CLASP1: variants seen among roughly 807,000 people sequenced by gnomAD.
CLASP1 encodes the protein cytoplasmic linker associated protein 1.
In CLASP1, 38 loss-of-function variants were observed where a neutral mutation model predicts 192.3. The ratio of observed to expected loss-of-function variants is 0.20; its 90% confidence interval spans 0.15 to 0.26. The LOEUF (loss-of-function observed/expected upper bound fraction) is 0.26, where lower values mean the gene tolerates loss of function less well. CLASP1 is among the 10% of genes least tolerant of loss of function. The probability of loss-of-function intolerance (pLI) is 1.00; values close to 1 mark genes in which losing one functional copy is unlikely to be tolerated. For missense variants in CLASP1, 1,433 were observed against 1,932.5 expected, an observed-to-expected ratio of 0.74 and a Z score of 4.85; for synonymous variants, 691 against 712.8, an observed-to-expected ratio of 0.97 and a Z score of 0.49.
chr2:121,374,645 C>G (rs2069572514), intron 34 of CLASP1, among the ~76,000 whole-genome samples: 1 of 152,228 alleles, frequency 6.6e-6, no homozygotes, highest in African/African-American at 2.4e-5. Context: ...GCCTTGGGAG[C>G]CTACTCCTTG....
chr2:121,466,273 A>C (rs1369325756), intron 9 of CLASP1, among the ~76,000 whole-genome samples: 2 of 152,242 alleles, frequency 1.3e-5, no homozygotes, highest in East Asian at 3.8e-4. Context: ...TTTAAAATAC[A>C]CCAAAAAAAT....
At chr2:121,430,339 C>G (rs758276797) in intron 19 of CLASP1, among the ~76,000 whole-genome samples, 162 bp from the exon 20 acceptor site, 2 of 152,284 alleles carry the variant, frequency 1.3e-5, no homozygotes, top group African/African-American at 4.8e-5. Flanking sequence ...CCACGTCTCC[C>G]TGTGTGTGCA....
rs749402817 is a variant in CLASP1 at position 121,398,404 on chromosome 2, G to A, written c.2901-4C>T. Reference sequence around the variant, plus strand: ...TTGATCAAATGGAAAGGAGTCCCTAGGTTGGTGGGAAAAAAGTGCTTATTT... The same window carrying A: ...TTGATCAAATGGAAAGGAGTCCCTAAGTTGGTGGGAAAAAAGTGCTTATTT... On this transcript the variant is annotated splice_polypyrimidine_tract_variant and splice_region_variant and intron_variant, in intron 28 of 39. Transcript: ENST00000263710. The A allele has an allele frequency of 6.4e-7, 1 of 1,574,424 alleles. No individual in the cohort carries two copies. Among genetic ancestry groups the A allele is most frequent in the South Asian group, 1.2e-5 (1 of 84,552 alleles).
At chr2:121,553,999 A>C (rs2058284676) in intron 2 of CLASP1, among the ~76,000 whole-genome samples, 1 of 151,956 alleles carries the variant, frequency 6.6e-6, no homozygotes, top group South Asian at 2.1e-4. Flanking sequence ...GAGCTGCTTA[A>C]GCCCAGTAGT....
At chr2:121,589,121 C>A (rs1035100934) in intron 2 of CLASP1, among the ~76,000 whole-genome samples, 9 of 152,198 alleles carry the variant, frequency 5.9e-5, no homozygotes, top group Non-Finnish European at 8.8e-5. Context: ...ACAGTTCTCG[C>A]CACCAAGTCC....
intron 2 of CLASP1, among the ~76,000 whole-genome samples, chr2:121,549,142 G>T (rs538731674): frequency 6.6e-6 from 1 of 152,278 alleles, no homozygotes; most frequent in African/African-American, 2.4e-5. Context: ...GCACAGAGTG[G>T]CAAGCTGGAT....
At chr2:121,380,211 G>T (rs2071301990) in intron 33 of CLASP1, among the ~76,000 whole-genome samples, 1 of 152,156 alleles carries the variant, frequency 6.6e-6, no homozygotes, top group Admixed American at 6.5e-5. Context: ...CATCAGGGAG[G>T]GTAGATATTG....
intron 37 of CLASP1, among the ~76,000 whole-genome samples, chr2:121,357,710 G>A (rs72965502): frequency 0.039 from 5,869 of 152,244 alleles, 160 homozygotes; most frequent in East Asian, 0.14. Flanking sequence ...TAGACACTGT[G>A]CCTGGCACTT....
At chr2:121,565,691 T>G (rs567643238) in intron 2 of CLASP1, among the ~76,000 whole-genome samples, 27 of 152,144 alleles carry the variant, frequency 1.8e-4, no homozygotes, top group Admixed American at 5.9e-4. Flanking sequence ...CTTTTTTCAC[T>G]AGGCCGCTCC....
chr2:121,368,651 G>A (rs1434444024), intron 34 of CLASP1, among the ~76,000 whole-genome samples: 1 of 152,122 alleles, frequency 6.6e-6, no homozygotes, highest in Non-Finnish European at 1.5e-5. Context: ...TGGCAACGGG[G>A]ACAGACTGTT....
chr2:121,422,074 C>T (rs1171120872), intron 22 of CLASP1, among the ~76,000 whole-genome samples: 4 of 152,200 alleles, frequency 2.6e-5, no homozygotes, highest in Non-Finnish European at 4.4e-5. Flanking sequence ...CTTCTGCTTA[C>T]ATGAAATGCT....
chr2:121,476,098 A>G (rs749131054), intron 8 of CLASP1, among the ~76,000 whole-genome samples: 24 of 152,260 alleles, frequency 1.6e-4, no homozygotes, highest in Non-Finnish European at 2.9e-4. Flanking sequence ...AAATAGCAGT[A>G]AAACAGTAAA....
At chr2:121,450,428 T>C (rs1559246567) in intron 16 of CLASP1, among the ~76,000 whole-genome samples, 2 of 152,160 alleles carry the variant, frequency 1.3e-5, no homozygotes, top group African/African-American at 4.8e-5. Flanking sequence ...ACCTCACTTG[T>C]TGAGACAGAA....
At chr2:121,420,611 A>T (rs562475459) in intron 22 of CLASP1, among the ~76,000 whole-genome samples, 1 of 152,230 alleles carries the variant, frequency 6.6e-6, no homozygotes, top group African/African-American at 2.4e-5. Context: ...ATGCACATAC[A>T]TAAGTATTTC....
intron 19 of CLASP1, chr2:121,445,387 C>G: frequency 9.4e-7 from 1 of 1,069,436 alleles, no homozygotes; most frequent in South Asian, 1.3e-5. Flanking sequence ...CTCAGAGAAG[C>G]TTGCTCTAGC....
chr2:121,411,260 T>C (rs967656289), intron 23 of CLASP1, among the ~76,000 whole-genome samples: 13 of 152,354 alleles, frequency 8.5e-5, no homozygotes, highest in Admixed American at 4.6e-4. Context: ...AGCTAGGCTA[T>C]GAGTTGAGTC....
In CLASP1 at chr2:121,530,945, G is replaced by C. The variant is rs377619732; in HGVS notation, c.196-620C>G. 1 of 700,388 alleles carries C rather than the reference G, an allele frequency of 1.4e-6. No individual in the cohort carries two copies. Among genetic ancestry groups the C allele is most frequent in the Non-Finnish European group, 2.6e-6 (1 of 384,812 alleles). The allele number at this position is 700,388 out of a possible 1,614,324, so 43.4% of individuals were successfully genotyped here. ...GCATAGTGAGGGCAGTACTGCTAAC[G>C]CCTGAACAACACACCCGCATCAACT... On this transcript the variant is annotated intron_variant, in intron 2 of 39. Transcript: ENST00000263710.
chr2:121,547,305 G>A (rs1396224889), intron 2 of CLASP1, among the ~76,000 whole-genome samples: 3 of 152,028 alleles, frequency 2.0e-5, no homozygotes, highest in Admixed American at 6.6e-5. Context: ...TGCTACCCTC[G>A]GACTAACAAA....
In CLASP1 at chr2:121,503,153, C is replaced by CT; in HGVS notation, c.712+13dup. Reference sequence around the variant, plus strand: ...ACTGAAAAAGCAAAAGTAGGGATTGCTTTTTCTACTCACCATTTGCAGATT... The same window carrying CT: ...ACTGAAAAAGCAAAAGTAGGGATTGCTTTTTTCTACTCACCATTTGCAGATT... On this transcript the variant is annotated intron_variant, in intron 8 of 39. Transcript: ENST00000263710. 3.3e-6 allele frequency: 5 copies of CT among 1,530,798 alleles called. No individual in the cohort carries two copies. In the South Asian group the frequency reaches 6.0e-5, roughly 18 times the overall value. The allele number at this position is 1,530,798 out of a possible 1,614,324, so 94.8% of individuals were successfully genotyped here. A position where few individuals can be genotyped will look rare whatever the true frequency, so the allele number is the denominator to read the frequency against.
Sources: gnomAD v4.1 joint callset for allele counts (sites outside exome capture counted in the v4.1 genomes callset) on GRCh38, gnomAD v4.1.1 for gene constraint, MANE v1.5 for transcripts, NCBI Gene and HGNC (gene_info 2026-07-23, HGNC 2026-07-21) for gene names.